Variants in GLI3 observed in about 807,000 individuals in gnomAD.
GLI3 encodes transcription activator GLI3.
Under a neutral mutation model 100.8 loss-of-function variants are expected in GLI3, and 20 were observed. That is an observed-to-expected ratio of 0.20 (90% CI 0.14 to 0.29). The LOEUF (loss-of-function observed/expected upper bound fraction) is 0.29. GLI3 is among the 10% of genes least tolerant of loss of function. The probability of loss-of-function intolerance (pLI) is 1.00; values close to 1 mark genes in which losing one functional copy is unlikely to be tolerated. For synonymous variants in GLI3, 938 were observed against 860.5 expected (o/e 1.09, Z -1.58); for missense variants, 2,040 against 2,128.5 (o/e 0.96, Z 0.82).
chr7:41,990,941 C>T (rs79065265), intron 10 of GLI3, among the ~76,000 whole-genome samples: 5,092 of 151,674 alleles, frequency 0.034, 99 homozygotes, highest in Non-Finnish European at 0.052. Flanking sequence ...AGCACAGGCA[C>T]GTCTCAAGAA....
At chr7:41,983,322 C>T (rs1244942602) in intron 10 of GLI3, among the ~76,000 whole-genome samples, 1 of 152,052 alleles carries the variant, frequency 6.6e-6, no homozygotes, top group Non-Finnish European at 1.5e-5. Flanking sequence ...AAAAGGTACC[C>T]CAACGAAGGG....
At chr7:42,047,792 G>A (rs942081481) in intron 5 of GLI3, among the ~76,000 whole-genome samples, 10 of 152,244 alleles carry the variant, frequency 6.6e-5, no homozygotes, top group Admixed American at 3.9e-4. Context: ...ATACTTCTTC[G>A]GATTTTCATG....
upstream of GLI3, among the ~76,000 whole-genome samples, chr7:42,241,257 G>A (rs949394424): frequency 2.0e-5 from 3 of 152,200 alleles, no homozygotes; most frequent in African/African-American, 7.2e-5. Flanking sequence ...GCCAGAGGCA[G>A]CTGCATTTTC....
chr7:42,245,075 G>A (rs1322230713), intron 1 of GLI3, among the ~76,000 whole-genome samples: 1 of 152,190 alleles, frequency 6.6e-6, no homozygotes, highest in African/African-American at 2.4e-5. Context: ...TGCTTTCCAG[G>A]AGCCTTCACA....
intron 3 of GLI3, 136 bp downstream of exon 3, chr7:42,148,090 T>G: frequency 1.2e-6 from 1 of 860,658 alleles, no homozygotes; most frequent in South Asian, 2.2e-5. Context: ...GGAAAGAAAA[T>G]TACACCTTTT....
intron 1 of GLI3, among the ~76,000 whole-genome samples, chr7:42,263,084 C>T (rs1225503888): frequency 6.6e-6 from 1 of 152,198 alleles, no homozygotes; most frequent in Non-Finnish European, 1.5e-5. Flanking sequence ...GGCCACGTGC[C>T]ATCGCCATGG....
intron 10 of GLI3, among the ~76,000 whole-genome samples, chr7:42,006,160 C>T (rs1455363985): frequency 1.3e-5 from 2 of 152,152 alleles, no homozygotes; most frequent in African/African-American, 4.8e-5. Flanking sequence ...AAGGGATACC[C>T]GAGCTCGAAG....
At chr7:42,025,712 C>T (rs751526001) in intron 8 of GLI3, among the ~76,000 whole-genome samples, 6 of 152,196 alleles carry the variant, frequency 3.9e-5, no homozygotes, top group Non-Finnish European at 5.9e-5. Flanking sequence ...AAGACCAACA[C>T]GTTCCATTTG....
At chr7:42,002,670 C>T (rs1583777705) in intron 10 of GLI3, among the ~76,000 whole-genome samples, 3 of 152,230 alleles carry the variant, frequency 2.0e-5, no homozygotes. Context: ...AAATCTCTAT[C>T]GTCAAGATAA....
intron 3 of GLI3, among the ~76,000 whole-genome samples, chr7:42,123,756 G>A (rs771767981): frequency 6.6e-6 from 1 of 151,890 alleles, no homozygotes; most frequent in Non-Finnish European, 1.5e-5. Context: ...TTTTTAAGAC[G>A]GAAAATGTAA....
chr7:41,999,833 T>C (rs951364365), intron 10 of GLI3, among the ~76,000 whole-genome samples: 2 of 152,086 alleles, frequency 1.3e-5, no homozygotes, highest in Admixed American at 6.5e-5. Flanking sequence ...ATGAAGCACA[T>C]TTTGAGCCCC....
chr7:42,141,342 C>CTA (rs1281244070), intron 3 of GLI3, among the ~76,000 whole-genome samples: 1 of 152,178 alleles, frequency 6.6e-6, no homozygotes, highest in Non-Finnish European at 1.5e-5. Context: ...CCATCCAAGT[C>CTA]TATGAGTGAA....
intron 3 of GLI3, among the ~76,000 whole-genome samples, chr7:42,108,467 C>T (rs562930630): frequency 2.6e-5 from 4 of 152,104 alleles, no homozygotes; most frequent in East Asian, 1.9e-4. Context: ...TGGCGCTTTC[C>T]GCAAACTGGA....
intron 1 of GLI3, among the ~76,000 whole-genome samples, chr7:42,253,594 T>C (rs1297757110): frequency 6.6e-6 from 1 of 152,238 alleles, no homozygotes; most frequent in Non-Finnish European, 1.5e-5. Context: ...ATGAAGTCTC[T>C]GGAGCCAGAC....
chr7:42,002,799 A>G (rs846289), intron 10 of GLI3, among the ~76,000 whole-genome samples: 91,002 of 152,048 alleles, frequency 0.6, 28,839 homozygotes, highest in African/African-American at 0.82. Context: ...TGGCTCTCCC[A>G]CTTACTGGCA....
chr7:42,000,469 G>A (rs374336970), intron 10 of GLI3, among the ~76,000 whole-genome samples: 8 of 152,218 alleles, frequency 5.3e-5, no homozygotes, highest in African/African-American at 1.9e-4. Flanking sequence ...CTTGCACACA[G>A]GCCAAAAGCC....
intron 3 of GLI3, among the ~76,000 whole-genome samples, chr7:42,086,675 C>G (rs914843123): frequency 5.9e-5 from 9 of 152,056 alleles, no homozygotes; most frequent in African/African-American, 2.2e-4. Flanking sequence ...CTCTTCAAGA[C>G]TCAATACAAA....
intron 1 of GLI3, among the ~76,000 whole-genome samples, chr7:42,245,216 TC>T (rs199979809): frequency 0.024 from 3,720 of 152,260 alleles, 52 homozygotes; most frequent in South Asian, 0.039. Flanking sequence ...GTGTGGAAGC[TC>T]CCTGGCCCTT....
At position 42,142,089 on chromosome 7, in the gene GLI3, T is replaced by A. The variant is rs1692935289; in HGVS notation, c.367+6137A>T. Among the ~76,000 whole-genome samples the A allele has an allele frequency of 2.6e-5, 4 of 152,108 alleles. No individual in the cohort carries two copies. The South Asian group carries it at 8.3e-4, about 32-fold the overall frequency. On this transcript the variant is annotated intron_variant, in intron 3 of 14. Coordinates refer to ENST00000395925, the MANE Select transcript of GLI3 (RefSeq NM_000168.6). Reference sequence around the variant, plus strand: ...AACACAAGGAAGTAGCTGTGATGTGTTTAAAGGTGAGAATGACATGACTAC... The same window carrying A: ...AACACAAGGAAGTAGCTGTGATGTGATTAAAGGTGAGAATGACATGACTAC...
Sources: gnomAD v4.1 joint callset for allele counts (sites outside exome capture counted in the v4.1 genomes callset) on GRCh38, gnomAD v4.1.1 for gene constraint, MANE v1.5 for transcripts, NCBI Gene and HGNC (gene_info 2026-07-23, HGNC 2026-07-21) for gene names.